UBAP2: variants seen among roughly 807,000 people sequenced by gnomAD.
UBAP2 encodes ubiquitin-associated protein 2.
In UBAP2, 75 loss-of-function variants were observed where a neutral mutation model predicts 139.6. That is an observed-to-expected ratio of 0.54 (90% CI 0.45 to 0.65). The LOEUF is 0.65. UBAP2 is among the 30% of genes least tolerant of loss of function. The probability of loss-of-function intolerance (pLI) is 0.00; values close to 1 mark genes in which losing one functional copy is unlikely to be tolerated. For synonymous variants in UBAP2, 526 were observed against 526.2 expected, an observed-to-expected ratio of 1.00 and a Z score of 0.01; for missense variants, 1,368 against 1,369.6, an observed-to-expected ratio of 1.00 and a Z score of 0.02.
At position 33,955,922 on chromosome 9, in the gene UBAP2, G is replaced by GCT. The variant is rs1826523175; in HGVS notation, c.866+155_866+156dup. On this transcript the variant is annotated intron_variant, in intron 11 of 28. Coordinates refer to ENST00000379238, the MANE Select transcript of UBAP2 (RefSeq NM_001370062.2). ...ATACATCAATTAGAAAATGATTGAA[G>GCT]CTCTGTCAGATTTACCAAGTAGTGG... Among the ~76,000 whole-genome samples, 9 of 151,892 alleles carry GCT rather than the reference G, an allele frequency of 5.9e-5. No individual in the cohort carries two copies. The South Asian group carries it at 1.9e-3, about 32-fold the overall frequency.
intron 1 of UBAP2, among the ~76,000 whole-genome samples, chr9:34,027,718 G>A (rs181600224): frequency 0.014 from 2,041 of 150,772 alleles, 21 homozygotes; most frequent in Non-Finnish European, 0.022. Context: ...AAAATTAGCC[G>A]GGGGTGGTGG....
chr9:34,020,882 G>A (rs969530471), intron 1 of UBAP2, among the ~76,000 whole-genome samples: 3 of 151,066 alleles, frequency 2.0e-5, no homozygotes, highest in South Asian at 4.2e-4. Context: ...CAGGATGGTC[G>A]CGATCTCCTG....
chr9:34,025,771 A>AT (rs1175028014), intron 1 of UBAP2, among the ~76,000 whole-genome samples: 1 of 152,154 alleles, frequency 6.6e-6, no homozygotes, highest in Non-Finnish European at 1.5e-5. Flanking sequence ...TAGACATACG[A>AT]TCTTCCCATA....
intron 10 of UBAP2, among the ~76,000 whole-genome samples, chr9:33,958,871 G>A (rs1025684491): frequency 2.0e-5 from 3 of 152,030 alleles, no homozygotes; most frequent in South Asian, 4.2e-4. Context: ...AAAAAAGGCC[G>A]GGCGCAGTGG....
intron 8 of UBAP2, among the ~76,000 whole-genome samples, chr9:33,965,472 C>T (rs1165692851): frequency 6.6e-6 from 1 of 152,154 alleles, no homozygotes; most frequent in Non-Finnish European, 1.5e-5. Context: ...TCAATTTTCT[C>T]TTTTATGACT....
In UBAP2 at chr9:33,939,811, A is replaced by G. The variant is rs1312593146; in HGVS notation, c.1929+1838T>C. On this transcript the variant is annotated intron_variant, in intron 16 of 28. Transcript: ENST00000379238. ...AAGGGGAGGAGGAAGGGGAGGAGGA[A>G]GGGGAGGAGGAAGGGGGGGAGGAGG... 4.7e-3 allele frequency among the ~76,000 whole-genome samples: 26 copies of G among 5,540 alleles called. 1 individual carries two copies. The highest frequency in any genetic ancestry group is 0.17 in the Middle Eastern group (1 of 6). 3.6% of individuals were successfully genotyped at this position (5,540 alleles called of 152,430 possible).
chr9:34,036,376 C>A (rs1349577330), intron 1 of UBAP2, among the ~76,000 whole-genome samples: 1 of 152,122 alleles, frequency 6.6e-6, no homozygotes, highest in African/African-American at 2.4e-5. Context: ...CTCGGCCTCC[C>A]AAAGTGCTGG....
chr9:33,941,913 C>CAA, intron 15 of UBAP2, 51 bp from the exon 16 acceptor site: 9 of 1,097,192 alleles, frequency 8.2e-6, no homozygotes, highest in Middle Eastern at 2.4e-4. Flanking sequence ...TAAATAGCTT[C>CAA]ATAAAAAAAA....
chr9:33,963,570 T>C (rs1418098424), intron 9 of UBAP2, among the ~76,000 whole-genome samples, 156 bp downstream of exon 9: 1 of 152,180 alleles, frequency 6.6e-6, no homozygotes, highest in Non-Finnish European at 1.5e-5. Context: ...ACATTTCCAT[T>C]AGCAAACTGC....
intron 6 of UBAP2, among the ~76,000 whole-genome samples, chr9:33,980,783 C>A (rs531801006): frequency 6.6e-6 from 1 of 151,332 alleles, no homozygotes; most frequent in South Asian, 2.1e-4. Flanking sequence ...TGGCAAAACC[C>A]TCTCTCTACA....
At chr9:33,970,576 G>A (rs1827842435) in intron 8 of UBAP2, among the ~76,000 whole-genome samples, 1 of 133,006 alleles carries the variant, frequency 7.5e-6, no homozygotes, top group Admixed American at 7.2e-5. Context: ...GACCACAGGT[G>A]CACACCACCA....
At chr9:34,035,510 A>ATATATATATATATATATATATAT (rs1554692760) in intron 1 of UBAP2, among the ~76,000 whole-genome samples, 2 of 3,812 alleles carry the variant, frequency 5.2e-4, no homozygotes, top group African/African-American at 8.9e-4. Context: ...TAAAAAAAAA[A>ATATATATATATATATATATATAT]AAAAATATAT....
chr9:33,935,164 G>GGT (rs1491230905), intron 17 of UBAP2, among the ~76,000 whole-genome samples: 3 of 7,442 alleles, frequency 4.0e-4, no homozygotes, highest in Non-Finnish European at 1.7e-3. Flanking sequence ...TGGAAGTGGC[G>GGT]GGGGGGGGGG....
intron 2 of UBAP2, 119 bp downstream of exon 2, chr9:34,016,931 T>G: frequency 2.9e-6 from 2 of 695,628 alleles, no homozygotes; most frequent in Non-Finnish European, 4.6e-6. Context: ...TCATATGCTC[T>G]CCCTTAATTT....
chr9:34,012,664 A>G (rs1823858852), intron 2 of UBAP2, among the ~76,000 whole-genome samples: 1 of 152,214 alleles, frequency 6.6e-6, no homozygotes, highest in Non-Finnish European at 1.5e-5. Flanking sequence ...TATTAAGTGA[A>G]GAAGAACCTT....
intron 16 of UBAP2, 119 bp from the exon 17 acceptor site, chr9:33,935,997 AT>A: frequency 9.3e-7 from 1 of 1,069,896 alleles, no homozygotes; most frequent in Non-Finnish European, 1.3e-6. Flanking sequence ...CTTTTATTCT[AT>A]TTTTTAATAA....
At chr9:34,038,828 AG>A (rs1405061856) in intron 1 of UBAP2, among the ~76,000 whole-genome samples, 1 of 138,250 alleles carries the variant, frequency 7.2e-6, no homozygotes, top group Admixed American at 7.2e-5. Context: ...CATCCCGTCT[AG>A]GAAGTGAGGA....
intron 1 of UBAP2, among the ~76,000 whole-genome samples, chr9:34,026,326 GCTA>G (rs1825397754): frequency 6.6e-6 from 1 of 152,176 alleles, no homozygotes; most frequent in African/African-American, 2.4e-5. Context: ...AAGTATCTCA[GCTA>G]CTACATCAAA....
intron 6 of UBAP2, among the ~76,000 whole-genome samples, chr9:33,977,925 G>C (rs1820295616): frequency 1.3e-5 from 2 of 148,736 alleles, no homozygotes; most frequent in Admixed American, 1.4e-4. Flanking sequence ...TGAGGCAGGA[G>C]AATCCCTTGA....
Sources: gnomAD v4.1 joint callset for allele counts (sites outside exome capture counted in the v4.1 genomes callset) on GRCh38, gnomAD v4.1.1 for gene constraint, MANE v1.5 for transcripts, NCBI Gene and HGNC (gene_info 2026-07-23, HGNC 2026-07-21) for gene names.